Variants in PCDHGA8 observed in about 807,000 individuals in gnomAD.
PCDHGA8 encodes the protein protocadherin gamma-A8.
PCDHGA8 carries 45 observed loss-of-function variants against 59.2 expected under a neutral mutation model. That is an observed-to-expected ratio of 0.76 (90% confidence interval 0.60 to 0.98). The LOEUF (loss-of-function observed/expected upper bound fraction) is 0.98. Among genes scored for constraint, PCDHGA8 ranks in the 50% least tolerant of loss-of-function variants. The pLI is 0.00. For synonymous variants in PCDHGA8, 531 were observed against 519.0 expected, an observed-to-expected ratio of 1.02 and a Z score of -0.32; for missense variants, 1,257 against 1,196.2, an observed-to-expected ratio of 1.05 and a Z score of -0.75.
chr5:141,426,805 A>G (rs1222690899), intron 1 of PCDHGA8: 2 of 456,720 alleles, frequency 4.4e-6, no homozygotes, highest in African/African-American at 2.0e-5. Flanking sequence ...CTCAGTTCTA[A>G]TGAACATTTC....
In PCDHGA8 at chr5:141,415,309, G is replaced by A. The variant is rs199689792; in HGVS notation, c.2424+20072G>A. ...GGTCTCCTGCGTCTTCCTGGCCTTC[G>A]TCATCGTGCTGCTGGCGCACAGGCT... is the stretch of plus-strand genomic sequence containing the variant. On this transcript the variant is annotated intron_variant, in intron 1 of 3. Coordinates refer to ENST00000398604, the MANE Select transcript of PCDHGA8 (RefSeq NM_032088.2). 2.7e-5 allele frequency: 44 copies of A among 1,614,216 alleles called. No homozygotes were observed. In the Middle Eastern group the frequency reaches 8.2e-4, roughly 30 times the overall value.
chr5:141,470,577 C>T (rs75062402), intron 1 of PCDHGA8, among the ~76,000 whole-genome samples: 8,307 of 152,270 alleles, frequency 0.055, 479 homozygotes, highest in African/African-American at 0.15. Flanking sequence ...GCAGGATCAA[C>T]TTCATAGGCA....
chr5:141,418,509 G>A, intron 1 of PCDHGA8: 1 of 1,613,986 alleles, frequency 6.2e-7, no homozygotes. Context: ...GCCTTAGATG[G>A]TGGGGACCCT....
At chr5:141,441,680 C>T in intron 1 of PCDHGA8, 1 of 295,840 alleles carries the variant, frequency 3.4e-6, no homozygotes, top group South Asian at 2.8e-5. Context: ...GCGCCTTCGA[C>T]CAAGAGCAGC....
intron 1 of PCDHGA8, among the ~76,000 whole-genome samples, chr5:141,433,395 CTATCTA>C (rs1561869588): frequency 2.0e-5 from 3 of 150,654 alleles, no homozygotes; most frequent in African/African-American, 7.3e-5. Flanking sequence ...ATCTATCTAT[CTATCTA>C]TCTATTACTT....
chr5:141,427,890 G>T lies in PCDHGA8; in HGVS notation c.2424+32653G>T, dbSNP rs1438515062. 1.9e-6 allele frequency: 3 copies of T among 1,566,844 alleles called. No homozygotes were observed. In the South Asian group the frequency reaches 3.3e-5, roughly 17 times the overall value. Reference sequence around the variant, plus strand: ...GCTCACGATGCAGGCCCACGACCAGGGCTCGCCCGCGCTCAGCGCCAACAT... The same window carrying T: ...GCTCACGATGCAGGCCCACGACCAGTGCTCGCCCGCGCTCAGCGCCAACAT... On this transcript the variant is annotated intron_variant, in intron 1 of 3. Transcript: ENST00000398604.
intron 1 of PCDHGA8, chr5:141,417,966 C>T: frequency 6.2e-7 from 1 of 1,613,776 alleles, no homozygotes; most frequent in Non-Finnish European, 8.5e-7. Flanking sequence ...ATCCGCTACT[C>T]GATTCCGGAG....
chr5:141,438,595 T>TAC (rs2098000070), intron 1 of PCDHGA8, among the ~76,000 whole-genome samples: 6 of 58,022 alleles, frequency 1.0e-4, no homozygotes, highest in African/African-American at 1.8e-4. Context: ...TACATACATA[T>TAC]ATATATATAT....
rs758599120 is a variant in PCDHGA8 at position 141,414,165 on chromosome 5, A to G, written c.2424+18928A>G. On this transcript the variant is annotated intron_variant, in intron 1 of 3. Transcript: ENST00000398604. The stretch of plus-strand genomic sequence containing the variant: ...AAATACAAGCAGAAGATGGAGGAGC[A>G]TATCTTGCAACTGCAAAAGTGTTGA... 8 of 1,604,890 alleles carry G rather than the reference A, an allele frequency of 5.0e-6. No homozygotes were observed. The highest frequency in any genetic ancestry group is 2.2e-5 in the South Asian group (2 of 89,922).
rs999463482 is a variant in PCDHGA8, at chr5:141,506,400, T to C, written c.2572+919T>C. ...GGAGGTGGCTGTGGTGAGCAGAAAATCGCACCACTGCACTCCAGCCTGGGC... is the reference window on the plus strand; with the variant it reads ...GGAGGTGGCTGTGGTGAGCAGAAAACCGCACCACTGCACTCCAGCCTGGGC... On this transcript the variant is annotated intron_variant, in intron 3 of 3. Coordinates refer to ENST00000398604, the MANE Select transcript of PCDHGA8 (RefSeq NM_032088.2). 1.2e-4 allele frequency among the ~76,000 whole-genome samples: 16 copies of C among 135,754 alleles called. No homozygotes were observed. In the Admixed American group the frequency reaches 1.3e-3, roughly 11 times the overall value. The allele number at this position is 135,754 out of a possible 152,430, so 89.1% of individuals were successfully genotyped here.
intron 3 of PCDHGA8, among the ~76,000 whole-genome samples, chr5:141,507,918 G>C (rs1409126707): frequency 6.6e-6 from 1 of 152,208 alleles, no homozygotes; most frequent in Non-Finnish European, 1.5e-5. Flanking sequence ...CAGGCCTGTG[G>C]GGCTGCTGAG....
At chr5:141,492,240 C>T (rs1031016944) in intron 1 of PCDHGA8, among the ~76,000 whole-genome samples, 1 of 152,242 alleles carries the variant, frequency 6.6e-6, no homozygotes, top group African/African-American at 2.4e-5. Flanking sequence ...CTGCTGGCCA[C>T]CCCCACGGCC....
In PCDHGA8 at chr5:141,476,101, A is replaced by G; in HGVS notation, c.2425-18706A>G. The G allele has an allele frequency of 6.3e-7, 1 of 1,576,386 alleles. No individual in the cohort carries two copies. Among genetic ancestry groups the G allele is most frequent in the East Asian group, 2.2e-5 (1 of 44,540 alleles). On this transcript the variant is annotated intron_variant, in intron 1 of 3. Coordinates refer to ENST00000398604, the MANE Select transcript of PCDHGA8 (RefSeq NM_032088.2). This position sits in a 1 kb window ranked among gnomAD's most constrained non-coding sequence, Gnocchi z 7.6. ...GACGATCTGGACCCCGCTGAGAGGA[A>G]CTGCTTTTGAGTGAGATGGTCCCAG... is the stretch of plus-strand genomic sequence containing the variant.
Position 141,510,363 on chromosome 5 carries a change from G to A in PCDHGA8, c.2573-584G>A, listed in dbSNP as rs973832487. Among the ~76,000 whole-genome samples the A allele has an allele frequency of 7.8e-5, 11 of 141,564 alleles. No individual in the cohort carries two copies. In the East Asian group the frequency reaches 1.6e-3, roughly 21 times the overall value. 92.9% of individuals were successfully genotyped at this position (141,564 alleles called of 152,430 possible). The stretch of plus-strand genomic sequence containing the variant: ...CCACACACTTACTAACGGAACTACC[G>A]AATCTCTACTCGTGCCAGGCCTTGC... On this transcript the variant is annotated intron_variant, in intron 3 of 3. Coordinates refer to ENST00000398604, the MANE Select transcript of PCDHGA8 (RefSeq NM_032088.2).
intron 1 of PCDHGA8, chr5:141,415,199 T>C (rs761532551): frequency 1.7e-5 from 28 of 1,613,880 alleles, no homozygotes; most frequent in Non-Finnish European, 2.4e-5. Flanking sequence ...ATCCCCCAAG[T>C]CCTGGCGGAC....
chr5:141,485,826 G>A lies in PCDHGA8; in HGVS notation c.2425-8981G>A. The A allele has an allele frequency of 6.2e-7, 1 of 1,614,070 alleles. No individual in the cohort carries two copies. Among genetic ancestry groups the A allele is most frequent in the South Asian group, 1.1e-5 (1 of 91,078 alleles). Reference sequence around the variant, plus strand: ...CTGGTGCTGACTGCTGTCGATGGAGGGAACCCGCCGAGATCTGGCACCGCA... The same window carrying A: ...CTGGTGCTGACTGCTGTCGATGGAGAGAACCCGCCGAGATCTGGCACCGCA... On this transcript the variant is annotated intron_variant, in intron 1 of 3. Transcript: ENST00000398604. The surrounding 1 kb of genome is among the most constrained non-coding windows in gnomAD (Gnocchi z 5.7).
rs199877605 is a variant in PCDHGA8 at position 141,421,311 on chromosome 5, G to A, written c.2424+26074G>A. The A allele has an allele frequency of 9.5e-5, 154 of 1,613,788 alleles. No individual in the cohort carries two copies. The African/African-American group carries it at 1.9e-3, about 20-fold the overall frequency. On this transcript the variant is annotated intron_variant, in intron 1 of 3. Coordinates refer to ENST00000398604, the MANE Select transcript of PCDHGA8 (RefSeq NM_032088.2). ...TCCTGGGGACGCTGCGGGGGTTCCG[G>A]GCCAGGCAGATCCGATATTCGGTGC... is the stretch of plus-strand genomic sequence containing the variant.
At chr5:141,496,892 A>AG (rs1372616572) in intron 2 of PCDHGA8, among the ~76,000 whole-genome samples, 1 of 151,766 alleles carries the variant, frequency 6.6e-6, no homozygotes, top group Non-Finnish European at 1.5e-5. Flanking sequence ...AACACTTAAA[A>AG]AAAAAAAAAA....
At chr5:141,453,544 C>T (rs540372287) in intron 1 of PCDHGA8, among the ~76,000 whole-genome samples, 12 of 152,310 alleles carry the variant, frequency 7.9e-5, no homozygotes, top group African/African-American at 2.9e-4. Flanking sequence ...ATTCACACCA[C>T]ACTCTGTAGA....
Sources: allele counts gnomAD v4.1 joint callset (sites outside exome capture counted in the v4.1 genomes callset), GRCh38; gene constraint gnomAD v4.1.1; non-coding constraint Gnocchi (gnomAD v3.1); transcripts MANE v1.5; gene names NCBI Gene and HGNC (gene_info 2026-07-23, HGNC 2026-07-21).